TNS1: variants seen among roughly 807,000 people sequenced by gnomAD.
The protein encoded by TNS1 is tensin-1.
In TNS1, 62 loss-of-function variants were observed where a neutral mutation model predicts 168.6. The ratio of observed to expected loss-of-function variants is 0.37; its 90% CI spans 0.30 to 0.45. The LOEUF (loss-of-function observed/expected upper bound fraction) is 0.45, where lower values mean the gene tolerates loss of function less well. Ranked by LOEUF, TNS1 falls within the 20% of genes least tolerant of loss-of-function variation. The pLI, the probability that TNS1 is intolerant of heterozygous loss-of-function variation, is 1.00. For missense variants in TNS1, 2,240 were observed against 2,339.4 expected (o/e 0.96, Z 0.88); for synonymous variants, 934 against 933.2 (o/e 1.00, Z -0.02).
At chr2:217,804,958 C>T (rs1186970905) in intron 32 of TNS1, among the ~76,000 whole-genome samples, 2 of 151,566 alleles carry the variant, frequency 1.3e-5, no homozygotes, top group Non-Finnish European at 2.9e-5. Flanking sequence ...CCCATCCCAG[C>T]CCTACCCCTA....
In TNS1 at chr2:217,995,443, G is replaced by A. The variant is rs1958451472; in HGVS notation, c.34-4387C>T. On this transcript the variant is annotated intron_variant, in intron 1 of 32. Coordinates refer to ENST00000682258, the MANE Select transcript of TNS1 (RefSeq NM_001387777.1). This position sits in a 1 kb window ranked among gnomAD's most constrained non-coding sequence, Gnocchi z 4.1. The stretch of plus-strand genomic sequence containing the variant: ...AAGAAGGCATAATGAGACTCAGTGG[G>A]GAAAAAAAAAACTTAACAATCAGAT... Among the ~76,000 whole-genome samples, 1 of 151,618 alleles carries A rather than the reference G, an allele frequency of 6.6e-6. No homozygotes were observed. The highest frequency in any genetic ancestry group is 2.4e-5 in the African/African-American group (1 of 41,268).
chr2:217,917,544 G>A (rs1397006955), intron 4 of TNS1, among the ~76,000 whole-genome samples: 3 of 152,022 alleles, frequency 2.0e-5, no homozygotes, highest in African/African-American at 7.2e-5. Context: ...AAAATTTGAG[G>A]TTCGGCCGGG....
intron 3 of TNS1, among the ~76,000 whole-genome samples, chr2:217,922,780 G>A (rs1011503933): frequency 2.0e-5 from 3 of 152,146 alleles, no homozygotes; most frequent in Non-Finnish European, 1.5e-5. Context: ...CGGGGGAGCT[G>A]TCAAGCCCCA....
intron 3 of TNS1, among the ~76,000 whole-genome samples, chr2:217,933,793 C>T (rs751658789): frequency 9.2e-5 from 14 of 152,092 alleles, no homozygotes; most frequent in Non-Finnish European, 1.5e-4. Flanking sequence ...ATAAGGCACA[C>T]GGGCAGAAGC....
At chr2:217,887,622 C>T (rs1295259891) in intron 12 of TNS1, among the ~76,000 whole-genome samples, 2 of 152,154 alleles carry the variant, frequency 1.3e-5, no homozygotes, top group East Asian at 3.9e-4. Context: ...TCCCCTAGTT[C>T]TTTAACAAAG....
chr2:217,885,197 GC>G (rs764027138), intron 15 of TNS1, 33 bp from the exon 16 acceptor site: 1 of 1,613,686 alleles, frequency 6.2e-7, no homozygotes, highest in African/African-American at 1.3e-5. Flanking sequence ...CCAGTCAGGG[GC>G]CTGAGGCTGG....
At chr2:217,840,007 C>T (rs1039041314) in intron 19 of TNS1, among the ~76,000 whole-genome samples, 15 of 152,202 alleles carry the variant, frequency 9.9e-5, no homozygotes, top group Non-Finnish European at 5.9e-5. Flanking sequence ...GAACACTACA[C>T]TCCCCACCAC....
At chr2:217,852,398 C>T (rs1947627117) in intron 18 of TNS1, among the ~76,000 whole-genome samples, 1 of 152,224 alleles carries the variant, frequency 6.6e-6, no homozygotes, top group South Asian at 2.1e-4. Flanking sequence ...CAGTGATCCC[C>T]TCCATCCTTT....
intron 3 of TNS1, among the ~76,000 whole-genome samples, chr2:217,938,475 C>A (rs1956745951): frequency 1.3e-5 from 2 of 152,246 alleles, no homozygotes; most frequent in Admixed American, 6.5e-5. Flanking sequence ...CCCCTACCCA[C>A]TACCAACAAG....
chr2:217,885,383 G>A (rs1951097292), intron 15 of TNS1, among the ~76,000 whole-genome samples: 1 of 152,258 alleles, frequency 6.6e-6, no homozygotes, highest in Admixed American at 6.5e-5. Context: ...GGACAAAAAT[G>A]TCCTCCCAAG....
chr2:217,969,041 G>A (rs1421084001), intron 3 of TNS1, among the ~76,000 whole-genome samples: 2 of 152,134 alleles, frequency 1.3e-5, no homozygotes, highest in East Asian at 3.8e-4. Flanking sequence ...TTGGCCCACA[G>A]AGTCAATGCA....
At chr2:217,849,654 C>T in intron 18 of TNS1, 4 of 985,426 alleles carry the variant, frequency 4.1e-6, no homozygotes, top group Non-Finnish European at 4.8e-6. Context: ...TCCCCTCCGC[C>T]ACCCCATCTC....
chr2:217,852,013 C>T (rs577217404), intron 18 of TNS1, among the ~76,000 whole-genome samples: 1 of 152,176 alleles, frequency 6.6e-6, no homozygotes, highest in South Asian at 2.1e-4. Flanking sequence ...GGCGTGGTAG[C>T]ACATGCCTGT....
At chr2:217,931,721 T>A (rs964829529) in intron 3 of TNS1, among the ~76,000 whole-genome samples, 9 of 152,226 alleles carry the variant, frequency 5.9e-5, no homozygotes, top group Non-Finnish European at 1.3e-4. Flanking sequence ...TGTAGCATCA[T>A]CAACTGAGTA....
chr2:217,869,741 G>C (rs931671567), intron 18 of TNS1, among the ~76,000 whole-genome samples: 7 of 152,358 alleles, frequency 4.6e-5, no homozygotes, highest in Admixed American at 4.6e-4. Context: ...CAAAACAAAG[G>C]AGAAAAGAGG....
In TNS1 at chr2:217,865,059, G is replaced by A. The variant is rs185498398; in HGVS notation, c.1429+15839C>T. Among the ~76,000 whole-genome samples the A allele has an allele frequency of 1.4e-3, 219 of 152,234 alleles. 1 individual carries two copies. The highest frequency in any genetic ancestry group is 6.7e-3 in the Admixed American group (102 of 15,296). On this transcript the variant is annotated intron_variant, in intron 18 of 32. Transcript: ENST00000682258. ...TGCATGAGAGGTGGCTATGACTAGAGGGATCCATGTGGTTCCATGCATGAG... is the reference window on the plus strand; with the variant it reads ...TGCATGAGAGGTGGCTATGACTAGAAGGATCCATGTGGTTCCATGCATGAG...
intron 3 of TNS1, among the ~76,000 whole-genome samples, chr2:217,961,226 C>G (rs939852008): frequency 7.8e-6 from 1 of 128,248 alleles, no homozygotes; most frequent in Non-Finnish European, 1.6e-5. Flanking sequence ...GTGTCTCTCT[C>G]TCTCTCTCTC....
chr2:218,032,639 C>T lies in TNS1; in HGVS notation c.156+1181G>A, dbSNP rs1212423322. Among the ~76,000 whole-genome samples, 1 of 152,146 alleles carries T rather than the reference C, an allele frequency of 6.6e-6. No homozygotes were observed. The highest frequency in any genetic ancestry group is 1.5e-5 in the Non-Finnish European group (1 of 68,006). ...GCACCCAGGAGATGTTTATCTGCCC[C>T]AAGAACGAGGGTATCACCCCTCCTC... On this transcript the variant is annotated intron_variant, in intron 1 of 1. Coordinates refer to the TNS1 transcript ENST00000649572. The surrounding 1 kb of genome is among the most constrained non-coding windows in gnomAD (Gnocchi z 4.0).
intron 1 of TNS1, among the ~76,000 whole-genome samples, chr2:217,991,951 T>A (rs1038666865): frequency 6.6e-6 from 1 of 152,132 alleles, no homozygotes; most frequent in Non-Finnish European, 1.5e-5. Context: ...TGACTTACCA[T>A]AAAGCCCTGG....
Sources: gnomAD v4.1 joint callset for allele counts (sites outside exome capture counted in the v4.1 genomes callset) on GRCh38, gnomAD v4.1.1 for gene constraint, Gnocchi (gnomAD v3.1) non-coding constraint, MANE v1.5 for transcripts, NCBI Gene and HGNC (gene_info 2026-07-23, HGNC 2026-07-21) for gene names.